The following ADAMTS2 variants were observed in gnomAD, a reference collection of about 807,000 sequenced individuals.
The protein encoded by ADAMTS2 is ADAM metallopeptidase with thrombospondin type 1 motif 2.
A neutral mutation model predicts 123.0 loss-of-function variants in ADAMTS2; 50 were observed. That is an observed-to-expected ratio of 0.41 (90% CI 0.32 to 0.51). The LOEUF is 0.51. Ranked by LOEUF, ADAMTS2 falls within the 20% of genes least tolerant of loss-of-function variation. The pLI is 0.35. For missense variants in ADAMTS2, 1,494 were observed against 1,705.2 expected (o/e 0.88, Z 2.18); for synonymous variants, 678 against 695.4 (o/e 0.98, Z 0.39).
chr5:179,250,137 A>G (rs552092685), intron 3 of ADAMTS2, among the ~76,000 whole-genome samples: 7 of 152,208 alleles, frequency 4.6e-5, no homozygotes, highest in Non-Finnish European at 7.3e-5. Flanking sequence ...GACAGAACCC[A>G]ACACCCTTTG....
At chr5:179,334,847 A>C (rs1392784075) in intron 2 of ADAMTS2, among the ~76,000 whole-genome samples, 1 of 152,252 alleles carries the variant, frequency 6.6e-6, no homozygotes, top group Non-Finnish European at 1.5e-5. Flanking sequence ...AAATCCTTGA[A>C]ATAATCCTGA....
At chr5:179,159,764 T>C (rs780135175) in intron 5 of ADAMTS2, among the ~76,000 whole-genome samples, 1 of 152,182 alleles carries the variant, frequency 6.6e-6, no homozygotes, top group Non-Finnish European at 1.5e-5. Context: ...GCCCAGGTCA[T>C]GAAACTAGGA....
Position 179,308,322 on chromosome 5 carries a change from T to C in ADAMTS2, c.535-35258A>G, listed in dbSNP as rs1756732179. 1.3e-5 allele frequency among the ~76,000 whole-genome samples: 2 copies of C among 152,108 alleles called. No homozygotes were observed. The highest frequency in any genetic ancestry group is 4.1e-4 in the South Asian group (2 of 4,826). ...GGAGTCACCAGGACCATCTGACAAA[T>C]GACCGCCTTGGGGATCCGTGGAGCT... On this transcript the variant is annotated intron_variant, in intron 2 of 21. Transcript: ENST00000251582. This position sits in a 1 kb window ranked among gnomAD's most constrained non-coding sequence, Gnocchi z 6.6.
chr5:179,300,591 GGAC>G (rs1220860131), intron 2 of ADAMTS2, among the ~76,000 whole-genome samples: 2 of 152,126 alleles, frequency 1.3e-5, no homozygotes, highest in Non-Finnish European at 2.9e-5. Flanking sequence ...AGCTGCCTGA[GGAC>G]AAGCCAGACC....
rs1328885170 is a variant in ADAMTS2, at chr5:179,256,486, T to C, written c.688+16425A>G. ...TTTCCTACATGGATGAAGATGTGGA[T>C]GTGTCTGCTCTGACCATGGGTGTGT... On this transcript the variant is annotated intron_variant, in intron 3 of 21. Coordinates refer to ENST00000251582, the MANE Select transcript of ADAMTS2 (RefSeq NM_014244.5). The surrounding 1 kb of genome is among the most constrained non-coding windows in gnomAD (Gnocchi z 4.1). Among the ~76,000 whole-genome samples the C allele has an allele frequency of 1.3e-5, 2 of 152,062 alleles. No homozygotes were observed. Among genetic ancestry groups the C allele is most frequent in the Admixed American group, 1.3e-4 (2 of 15,276 alleles).
chr5:179,338,944 G>A (rs570765218), intron 2 of ADAMTS2, among the ~76,000 whole-genome samples: 1 of 152,198 alleles, frequency 6.6e-6, no homozygotes, highest in East Asian at 1.9e-4. Flanking sequence ...GAGGAGAGTG[G>A]GGAGAGCCAC....
chr5:179,258,238 G>A (rs995103734), intron 3 of ADAMTS2, among the ~76,000 whole-genome samples: 3 of 152,084 alleles, frequency 2.0e-5, no homozygotes, highest in Admixed American at 6.5e-5. Context: ...AGGCCATCAT[G>A]CTTCTTATTC....
chr5:179,260,330 G>A lies in ADAMTS2; in HGVS notation c.688+12581C>T, dbSNP rs114810759. On this transcript the variant is annotated intron_variant, in intron 3 of 21. Coordinates refer to ENST00000251582, the MANE Select transcript of ADAMTS2 (RefSeq NM_014244.5). This position sits in a 1 kb window ranked among gnomAD's most constrained non-coding sequence, Gnocchi z 4.2. ...TTTCACGGATATTTACGCACCAACC[G>A]TGTGCCAGGCATTCCTCAAAATGCT... Among the ~76,000 whole-genome samples, 12 of 152,314 alleles carry A rather than the reference G, an allele frequency of 7.9e-5. No homozygotes were observed. In the South Asian group the frequency reaches 1.4e-3, roughly 18 times the overall value.
chr5:179,271,166 G>A (rs533935919), intron 3 of ADAMTS2, among the ~76,000 whole-genome samples: 5 of 152,332 alleles, frequency 3.3e-5, no homozygotes, highest in African/African-American at 1.2e-4. Flanking sequence ...GGGGTGGAGG[G>A]AGGATTCAGC....
intron 2 of ADAMTS2, among the ~76,000 whole-genome samples, chr5:179,298,076 C>A (rs1756392801): frequency 6.6e-6 from 1 of 152,148 alleles, no homozygotes; most frequent in Non-Finnish European, 1.5e-5. Context: ...TCCACAGCAC[C>A]AGAGGCCAGG....
Position 179,188,798 on chromosome 5 carries a change from G to T in ADAMTS2, c.892-7643C>A, listed in dbSNP as rs1162616467. Among the ~76,000 whole-genome samples, 1 of 152,092 alleles carries T rather than the reference G, an allele frequency of 6.6e-6. No individual in the cohort carries two copies. Among genetic ancestry groups the T allele is most frequent in the Non-Finnish European group, 1.5e-5 (1 of 68,010 alleles). On this transcript the variant is annotated intron_variant, in intron 4 of 21. Transcript: ENST00000251582. This position sits in a 1 kb window ranked among gnomAD's most constrained non-coding sequence, Gnocchi z 5.1. ...TGCAGATGCCTCAGGGTGGGGACGGGGCTCCTCCACTTCCAGGCCAGCTCA... is the reference window on the plus strand; with the variant it reads ...TGCAGATGCCTCAGGGTGGGGACGGTGCTCCTCCACTTCCAGGCCAGCTCA...
At chr5:179,217,995 C>A (rs192790122) in intron 3 of ADAMTS2, among the ~76,000 whole-genome samples, 3 of 152,208 alleles carry the variant, frequency 2.0e-5, no homozygotes, top group African/African-American at 7.2e-5. Context: ...TGGATGGGAA[C>A]AAGTCATCCT....
chr5:179,134,515 T>C (rs1375908796), intron 13 of ADAMTS2, among the ~76,000 whole-genome samples: 1 of 152,164 alleles, frequency 6.6e-6, no homozygotes, highest in Non-Finnish European at 1.5e-5. Flanking sequence ...TGCCCTGCCT[T>C]CCTCAGGAGC....
rs1452442200 is a variant in ADAMTS2 at position 179,197,883 on chromosome 5, C to A, written c.891+9630G>T. On this transcript the variant is annotated intron_variant, in intron 4 of 21. Coordinates refer to ENST00000251582, the MANE Select transcript of ADAMTS2 (RefSeq NM_014244.5). The surrounding 1 kb of genome is among the most constrained non-coding windows in gnomAD (Gnocchi z 4.2). ...CTGCCTCCTAGCATGGCAGCCTCGC[C>A]TGTCAGGCCCAAGCCCACTCTTTAG... Among the ~76,000 whole-genome samples the A allele has an allele frequency of 6.6e-6, 1 of 152,100 alleles. No individual in the cohort carries two copies. The highest frequency in any genetic ancestry group is 1.9e-4 in the East Asian group (1 of 5,192).
chr5:179,153,365 ACTCTGGAGGGCCG>A, intron 9 of ADAMTS2, 113 bp downstream of exon 9: 1 of 1,437,150 alleles, frequency 7.0e-7, no homozygotes. Flanking sequence ...ACAGGCTGCC[ACTCTGGAGGGCCG>A]CTCTGCCCTC....
chr5:179,177,269 T>C (rs1200164013), intron 5 of ADAMTS2, among the ~76,000 whole-genome samples: 1 of 152,368 alleles, frequency 6.6e-6, no homozygotes, highest in Non-Finnish European at 1.5e-5. Context: ...AAGCCCTAGA[T>C]GATCACGGTA....
intron 21 of ADAMTS2, among the ~76,000 whole-genome samples, chr5:179,119,414 G>A (rs538400289): frequency 6.6e-6 from 1 of 152,208 alleles, no homozygotes; most frequent in Non-Finnish European, 1.5e-5. Flanking sequence ...TCTCCCTGGT[G>A]GGACTCCTCA....
At chr5:179,279,801 C>T (rs1174258344) in intron 2 of ADAMTS2, among the ~76,000 whole-genome samples, 4 of 152,262 alleles carry the variant, frequency 2.6e-5, no homozygotes, top group African/African-American at 7.2e-5. Flanking sequence ...CGGTCCTCAC[C>T]ACTGGGGGCT....
chr5:179,125,302 C>A, intron 18 of ADAMTS2, 122 bp from the exon 19 acceptor site: 1 of 816,558 alleles, frequency 1.2e-6, no homozygotes, highest in African/African-American at 1.7e-5. Context: ...AGCCTGCACC[C>A]CTCCCCGGTG....
Sources: allele counts gnomAD v4.1 joint callset (sites outside exome capture counted in the v4.1 genomes callset), GRCh38; gene constraint gnomAD v4.1.1; non-coding constraint Gnocchi (gnomAD v3.1); transcripts MANE v1.5; gene names NCBI Gene and HGNC (gene_info 2026-07-23, HGNC 2026-07-21).